LOC400499: variants seen among roughly 807,000 people sequenced by gnomAD.
the LOC400499 span, chr16:11,448,854 G>A: frequency 1.5e-5 from 19 of 1,292,538 alleles, no homozygotes; most frequent in Non-Finnish European, 1.9e-5. Context: ...AGCAGGGAGA[G>A]AGGTAGGAAA....
the LOC400499 span, among the ~76,000 whole-genome samples, chr16:11,484,258 C>T: frequency 2.0e-5 from 3 of 151,986 alleles, no homozygotes; most frequent in Non-Finnish European, 4.4e-5. Flanking sequence ...CCGCCTGCCT[C>T]GGCCTCCCAA....
chr16:11,496,532 T>G, the LOC400499 span, among the ~76,000 whole-genome samples: 1 of 152,166 alleles, frequency 6.6e-6, no homozygotes, highest in Non-Finnish European at 1.5e-5. Flanking sequence ...CGTTCCCACT[T>G]GGGTGTGCAG....
the LOC400499 span, among the ~76,000 whole-genome samples, chr16:11,416,401 C>T: frequency 3.9e-5 from 6 of 152,242 alleles, no homozygotes; most frequent in East Asian, 1.2e-3. Context: ...TCATTACCAG[C>T]TGTGTGGCCT....
At chr16:11,478,867 T>C in the LOC400499 span, among the ~76,000 whole-genome samples, 1 of 152,136 alleles carries the variant, frequency 6.6e-6, no homozygotes, top group African/African-American at 2.4e-5. Flanking sequence ...GTTCGCGTGA[T>C]AGTGAATGGG....
At chr16:11,456,575 T>A in the LOC400499 span, among the ~76,000 whole-genome samples, 1 of 152,098 alleles carries the variant, frequency 6.6e-6, no homozygotes, top group African/African-American at 2.4e-5. Context: ...ACGGCACTCA[T>A]TAAAGATAAG....
chr16:11,438,437 A>G, the LOC400499 span, among the ~76,000 whole-genome samples: 1 of 152,046 alleles, frequency 6.6e-6, no homozygotes, highest in Admixed American at 6.6e-5. Context: ...TCAAGTTTCT[A>G]AAACCCAATA....
chr16:11,373,045 A>G, the LOC400499 span, among the ~76,000 whole-genome samples: 18 of 152,142 alleles, frequency 1.2e-4, no homozygotes, highest in African/African-American at 4.3e-4. Context: ...AGCACCCTCG[A>G]CACAGAGAAG....
chr16:11,492,565 A>ACT, the LOC400499 span, among the ~76,000 whole-genome samples: 3 of 151,938 alleles, frequency 2.0e-5, no homozygotes, highest in African/African-American at 7.3e-5. Flanking sequence ...TGGGAGGATC[A>ACT]TGAGGTCAGG....
chr16:11,384,296 C>A, the LOC400499 span: 1 of 1,232,380 alleles, frequency 8.1e-7, no homozygotes, highest in South Asian at 4.1e-5. Flanking sequence ...GCTTCATTGT[C>A]ATTGGTGCCC....
chr16:11,518,048 G>A, the LOC400499 span, among the ~76,000 whole-genome samples: 7 of 152,142 alleles, frequency 4.6e-5, no homozygotes, highest in African/African-American at 1.2e-4. Flanking sequence ...TGCTAATGGC[G>A]CCCACCACTC....
chr16:11,419,198 T>A, the LOC400499 span, among the ~76,000 whole-genome samples: 795 of 87,052 alleles, frequency 9.1e-3, 7 homozygotes, highest in African/African-American at 0.024. Flanking sequence ...ACAAAAAAAA[T>A]ATACTACAAG....
the LOC400499 span, among the ~76,000 whole-genome samples, chr16:11,518,164 G>C: frequency 6.6e-6 from 1 of 152,220 alleles, no homozygotes; most frequent in Non-Finnish European, 1.5e-5. Context: ...CCTTGGAGGA[G>C]ACCCTCCCCT....
At chr16:11,469,287 G>A in the LOC400499 span, 1 of 399,192 alleles carries the variant, frequency 2.5e-6, no homozygotes, top group Admixed American at 4.4e-5. Flanking sequence ...TAGAGACAAG[G>A]GTTCAACATC....
the LOC400499 span, among the ~76,000 whole-genome samples, chr16:11,501,262 C>T: frequency 3.9e-5 from 6 of 152,138 alleles, no homozygotes; most frequent in Admixed American, 1.3e-4. Flanking sequence ...CAAATGTCAC[C>T]GAGAAGGGGT....
chr16:11,387,246 G>C, the LOC400499 span: 3 of 1,232,306 alleles, frequency 2.4e-6, no homozygotes, highest in Non-Finnish European at 2.0e-6. Flanking sequence ...ACGTCCAGGG[G>C]CTCGTCCCCC....
the LOC400499 span, among the ~76,000 whole-genome samples, chr16:11,459,694 C>T: frequency 2.0e-5 from 3 of 152,194 alleles, no homozygotes; most frequent in Non-Finnish European, 2.9e-5. Flanking sequence ...TCCTGCCAGT[C>T]CTTGGCACTC....
chr16:11,512,222 C>T, the LOC400499 span, among the ~76,000 whole-genome samples: 3 of 151,574 alleles, frequency 2.0e-5, no homozygotes, highest in Admixed American at 2.0e-4. Context: ...GAGGAGGTTA[C>T]AGTGAGCTGA....
chr16:11,522,434 T>C, the LOC400499 span, among the ~76,000 whole-genome samples: 108 of 152,286 alleles, frequency 7.1e-4, no homozygotes, highest in African/African-American at 2.4e-3. Context: ...CTGTCCTCTG[T>C]GTTGTCAGGA....
At chr16:11,448,127 G>C in the LOC400499 span, 118 of 1,503,620 alleles carry the variant, frequency 7.8e-5, no homozygotes, top group East Asian at 2.6e-3. Context: ...CCAAGCTGCA[G>C]ACCTGCCTTG....
Sources: gnomAD v4.1 joint callset for allele counts (sites outside exome capture counted in the v4.1 genomes callset) on GRCh38, gnomAD v4.1.1 for gene constraint, MANE v1.5 for transcripts.